ZFHX4: variants seen among roughly 807,000 people sequenced by gnomAD.
ZFHX4 encodes the protein zinc finger homeobox 4, also known as zinc finger homeobox protein 4.
In ZFHX4, 56 loss-of-function variants were observed where a neutral mutation model predicts 267.6. The ratio of observed to expected loss-of-function variants is 0.21; its 90% CI spans 0.17 to 0.26. ZFHX4 has a LOEUF of 0.26. ZFHX4 is among the 10% of genes least tolerant of loss of function. The pLI is 1.00. For missense variants in ZFHX4, 4,332 were observed against 4,420.0 expected, an observed-to-expected ratio of 0.98 and a Z score of 0.56; for synonymous variants, 1,778 against 1,665.6, an observed-to-expected ratio of 1.07 and a Z score of -1.64.
chr8:76,846,613 A>G (rs991157698), intron 6 of ZFHX4, among the ~76,000 whole-genome samples: 1 of 152,066 alleles, frequency 6.6e-6, no homozygotes, highest in Non-Finnish European at 1.5e-5. Flanking sequence ...ATTAATAAGC[A>G]TAAAAATAAA....
chr8:76,703,381 G>T (rs564075052), intron 1 of ZFHX4, among the ~76,000 whole-genome samples: 1 of 152,316 alleles, frequency 6.6e-6, no homozygotes, highest in East Asian at 1.9e-4. Context: ...GCCCATTGAG[G>T]TGACTGAAGT....
Position 76,851,013 on chromosome 8 carries a change from C to A in ZFHX4, c.4092C>A (p.Ser1364Arg). 6.2e-7 allele frequency: 1 copy of A among 1,613,830 alleles called. No homozygotes were observed. The highest frequency in any genetic ancestry group is 8.5e-7 in the Non-Finnish European group (1 of 1,179,844). ...PLEVSEWNKN[S>R]SKDVKIPDTL... ...AAGTCTCAGAATGGAATAAAAATAG[C>A]AGTAAGGATGTGAAAATCCCCGACA... Residue 1364 changes from serine to arginine, a missense_variant, in exon 10 of 11, where the codon AGC (serine) becomes AGA (arginine). Physicochemically the swap from Ser to Arg is moderately radical, Grantham distance 110. Transcript: ENST00000651372.
rs975360857 is a variant in ZFHX4, at chr8:76,815,934, G to A, written c.3326-17404G>A. Reference sequence around the variant, plus strand: ...AAACCATAGCACTCACAAGTAACATGTATGAGGTAAAGGTGAATTACTGTC... The same window carrying A: ...AAACCATAGCACTCACAAGTAACATATATGAGGTAAAGGTGAATTACTGTC... On this transcript the variant is annotated intron_variant, in intron 4 of 10. Coordinates refer to ENST00000651372, the MANE Select transcript of ZFHX4 (RefSeq NM_024721.5). Among the ~76,000 whole-genome samples the A allele has an allele frequency of 3.3e-5, 5 of 152,322 alleles. No individual in the cohort carries two copies. In the East Asian group the frequency reaches 9.6e-4, roughly 29 times the overall value.
At chr8:76,771,923 C>G (rs926743986) in intron 3 of ZFHX4, among the ~76,000 whole-genome samples, 2 of 152,032 alleles carry the variant, frequency 1.3e-5, no homozygotes, top group Admixed American at 1.3e-4. Context: ...CTGGAATGAG[C>G]CTCTGGGTGA....
intron 3 of ZFHX4, among the ~76,000 whole-genome samples, chr8:76,714,936 C>A (rs1233013392): frequency 6.6e-6 from 1 of 152,090 alleles, no homozygotes; most frequent in Non-Finnish European, 1.5e-5. Flanking sequence ...TGCATTTTTT[C>A]AGCAATGTTT....
At chr8:76,862,096 C>T (rs1252722011) in intron 10 of ZFHX4, among the ~76,000 whole-genome samples, 1 of 152,204 alleles carries the variant, frequency 6.6e-6, no homozygotes, top group African/African-American at 2.4e-5. Flanking sequence ...TTACAAGTCC[C>T]TTTTCTATCC....
At chr8:76,835,109 A>T (rs984274595) in intron 5 of ZFHX4, among the ~76,000 whole-genome samples, 2 of 150,008 alleles carry the variant, frequency 1.3e-5, no homozygotes, top group Admixed American at 6.7e-5. Flanking sequence ...ATTTTTCACA[A>T]GTCAAAGAGC....
intron 9 of ZFHX4, among the ~76,000 whole-genome samples, 186 bp downstream of exon 9, chr8:76,850,548 G>A (rs1435442360): frequency 1.3e-5 from 2 of 152,154 alleles, no homozygotes; most frequent in Non-Finnish European, 2.9e-5. Context: ...GACCTCAGGG[G>A]ACCCAAGTGT....
chr8:76,766,344 CA>C (rs1193653883), intron 3 of ZFHX4, among the ~76,000 whole-genome samples: 1 of 152,092 alleles, frequency 6.6e-6, no homozygotes, highest in East Asian at 1.9e-4. Context: ...AGAGCCTAAT[CA>C]AACCAACACA....
chr8:76,857,866 G>C (rs1812774025), intron 10 of ZFHX4, among the ~76,000 whole-genome samples: 1 of 149,292 alleles, frequency 6.7e-6, no homozygotes, highest in Non-Finnish European at 1.5e-5. Context: ...CATATGGTAT[G>C]AGTCTTGTTA....
At chr8:76,765,842 G>T (rs1410697285) in intron 3 of ZFHX4, among the ~76,000 whole-genome samples, 1 of 152,008 alleles carries the variant, frequency 6.6e-6, no homozygotes, top group East Asian at 1.9e-4. Context: ...AAAAGATGAT[G>T]AAATTGAGGC....
chr8:76,811,360 G>A (rs1020670981), intron 4 of ZFHX4, among the ~76,000 whole-genome samples: 5 of 152,160 alleles, frequency 3.3e-5, no homozygotes, highest in African/African-American at 1.2e-4. Flanking sequence ...CATAACTAAT[G>A]TGCACTATTT....
chr8:76,795,759 TCTC>T (rs1468916140), intron 4 of ZFHX4, among the ~76,000 whole-genome samples: 2 of 151,992 alleles, frequency 1.3e-5, no homozygotes, highest in Non-Finnish European at 2.9e-5. Flanking sequence ...CTGGTCTCGA[TCTC>T]CTGACCTCAG....
intron 3 of ZFHX4, among the ~76,000 whole-genome samples, chr8:76,713,315 A>G (rs993876703): frequency 6.6e-6 from 1 of 151,508 alleles, no homozygotes; most frequent in Non-Finnish European, 1.5e-5. Flanking sequence ...ATAGATAGAT[A>G]GATGATAGAC....
chr8:76,740,984 A>G (rs1809300978), intron 3 of ZFHX4, among the ~76,000 whole-genome samples: 1 of 152,188 alleles, frequency 6.6e-6, no homozygotes, highest in African/African-American at 2.4e-5. Flanking sequence ...TAATTAAAGG[A>G]GGATGAGATT....
In ZFHX4 at chr8:76,707,964, C is replaced by T; in HGVS notation, c.3009C>T (p.Ala1003=). The change falls in exon 3 of 11, where the codon GCC becomes GCT. Residue 1003 remains alanine, a synonymous_variant. Transcript: ENST00000651372. Reference sequence around the variant, plus strand: ...ACCCTGTTCACCTAAAATGTAACGCCTGTGACTATTACACCAACAGTGTGG... The same window carrying T: ...ACCCTGTTCACCTAAAATGTAACGCTTGTGACTATTACACCAACAGTGTGG... The part of the protein sequence containing the change: ...IGNPVHLKCN[A]CDYYTNSVDK... The T allele has an allele frequency of 1.2e-6, 2 of 1,614,026 alleles. No homozygotes were observed. The highest frequency in any genetic ancestry group is 2.2e-5 in the South Asian group (2 of 91,082).
chr8:76,814,250 T>C (rs536859867), intron 4 of ZFHX4, among the ~76,000 whole-genome samples: 3 of 152,290 alleles, frequency 2.0e-5, no homozygotes, highest in Admixed American at 2.0e-4. Context: ...TTCTCATTAA[T>C]AATTATTAAA....
At position 76,708,148 on chromosome 8, in the gene ZFHX4, G is replaced by GA. The variant is rs371323510; in HGVS notation, c.3093+106dup. On this transcript the variant is annotated intron_variant, in intron 3 of 10. Coordinates refer to ENST00000651372, the MANE Select transcript of ZFHX4 (RefSeq NM_024721.5). ...TCTCCAACTTAAGGAAAAAAAAAGA[G>GA]AAAAAACATCAAAGGGCAGGGGGCA... is the stretch of plus-strand genomic sequence containing the variant. The GA allele has an allele frequency of 2.0e-6, 3 of 1,466,248 alleles. No homozygotes were observed. The South Asian group carries it at 3.5e-5, about 17-fold the overall frequency. The allele number at this position is 1,466,248 out of a possible 1,614,324, so 90.8% of individuals were successfully genotyped here. A position where few individuals can be genotyped will look rare whatever the true frequency, so the allele number is the denominator to read the frequency against.
chr8:76,681,937 T>A (rs1807541835), intron 1 of ZFHX4, among the ~76,000 whole-genome samples: 1 of 152,116 alleles, frequency 6.6e-6, no homozygotes, highest in Non-Finnish European at 1.5e-5. Flanking sequence ...GGGGCTGCGT[T>A]TTTCCGGATT....
Sources: allele counts gnomAD v4.1 joint callset (sites outside exome capture counted in the v4.1 genomes callset), GRCh38; gene constraint gnomAD v4.1.1; transcripts MANE v1.5; gene names NCBI Gene and HGNC (gene_info 2026-07-23, HGNC 2026-07-21).